The following PCDH15 variants were observed in gnomAD, a reference collection of about 807,000 sequenced individuals.
PCDH15 encodes the protein protocadherin-15.
In PCDH15, 129 loss-of-function variants were observed where a neutral mutation model predicts 178.5. The ratio of observed to expected loss-of-function variants is 0.72; its 90% CI spans 0.63 to 0.84. PCDH15 has a LOEUF of 0.84. PCDH15 is among the 40% of genes least tolerant of loss of function. The probability of loss-of-function intolerance (pLI) is 0.00; values close to 1 mark genes in which losing one functional copy is unlikely to be tolerated. For missense variants in PCDH15, 2,230 were observed against 2,099.9 expected, an observed-to-expected ratio of 1.06 and a Z score of -1.21; for synonymous variants, 800 against 732.0, an observed-to-expected ratio of 1.09 and a Z score of -1.50.
intron 15 of PCDH15, among the ~76,000 whole-genome samples, chr10:54,095,894 G>A (rs1372681050): frequency 6.6e-6 from 1 of 152,090 alleles, no homozygotes; most frequent in Non-Finnish European, 1.5e-5. Context: ...TTCTAATTTT[G>A]TCTAGGGCTC....
intron 3 of PCDH15, among the ~76,000 whole-genome samples, chr10:54,857,593 G>C (rs374005070): frequency 6.6e-6 from 1 of 151,524 alleles, no homozygotes; most frequent in East Asian, 2.0e-4. Flanking sequence ...TTACAGGCAC[G>C]TGCCGCCATG....
Position 55,150,008 on chromosome 10 carries a change from C to T in PCDH15, c.-80+16568G>A, listed in dbSNP as rs186136752. Among the ~76,000 whole-genome samples the T allele has an allele frequency of 5.9e-3, 805 of 137,430 alleles. 6 individuals are homozygous for T. The highest frequency in any genetic ancestry group is 0.039 in the Middle Eastern group (11 of 282). 90.2% of individuals were successfully genotyped at this position (137,430 alleles called of 152,430 possible). On this transcript the variant is annotated intron_variant, in intron 2 of 5. Transcript: ENST00000458638. Reference sequence around the variant, plus strand: ...TGGTGGGGGAGGGAGACAGAGACAGCGAGAGTGAGCAGAGAGAGAGAGATA... The same window carrying T: ...TGGTGGGGGAGGGAGACAGAGACAGTGAGAGTGAGCAGAGAGAGAGAGATA...
rs191228368 is a variant in PCDH15 at position 54,289,514 on chromosome 10, C to G, written c.876+27757G>C. 1.5e-4 allele frequency among the ~76,000 whole-genome samples: 23 copies of G among 152,304 alleles called. No homozygotes were observed. In the South Asian group the frequency reaches 3.9e-3, roughly 26 times the overall value. Reference sequence around the variant, plus strand: ...CCTCCAAAGGAATGCAGCTCCTCACCAGCAACAGAGCAAAGCTGGATGGAG... The same window carrying G: ...CCTCCAAAGGAATGCAGCTCCTCACGAGCAACAGAGCAAAGCTGGATGGAG... On this transcript the variant is annotated intron_variant, in intron 8 of 37. Coordinates refer to ENST00000644397, the MANE Select transcript of PCDH15 (RefSeq NM_001384140.1).
At chr10:55,103,307 A>C (rs1051879063) in intron 2 of PCDH15, among the ~76,000 whole-genome samples, 1 of 151,980 alleles carries the variant, frequency 6.6e-6, no homozygotes, top group Non-Finnish European at 1.5e-5. Context: ...TATTTCTTCT[A>C]TGTTTTCTTC....
intron 2 of PCDH15, among the ~76,000 whole-genome samples, chr10:55,622,179 A>ATATATATAAATATATATAT (rs1837419778): frequency 1.5e-5 from 2 of 131,122 alleles, no homozygotes; most frequent in African/African-American, 2.9e-5. Context: ...TATATTATAT[A>ATATATATAAATATATATAT]TATATACATT....
intron 2 of PCDH15, among the ~76,000 whole-genome samples, chr10:55,610,552 G>T (rs540535368): frequency 6.6e-6 from 1 of 152,160 alleles, no homozygotes; most frequent in Admixed American, 6.5e-5. Flanking sequence ...TCAAGTTGTT[G>T]AAGCTTTCAT....
chr10:54,280,783 A>AT (rs5785056), intron 8 of PCDH15, among the ~76,000 whole-genome samples: 4,530 of 151,912 alleles, frequency 0.03, 218 homozygotes, highest in African/African-American at 0.1. Context: ...AGTATTTTAC[A>AT]TTAAGTAATT....
chr10:55,391,836 C>G (rs140954441), intron 2 of PCDH15, among the ~76,000 whole-genome samples: 2 of 152,196 alleles, frequency 1.3e-5, no homozygotes, highest in African/African-American at 4.8e-5. Flanking sequence ...ACATTCACAA[C>G]CCGGCTAACT....
chr10:54,100,693 C>T (rs2094793956), intron 15 of PCDH15, among the ~76,000 whole-genome samples: 1 of 152,134 alleles, frequency 6.6e-6, no homozygotes, highest in African/African-American at 2.4e-5. Context: ...ATTTGTAAAG[C>T]AGTGTTTCTT....
intron 1 of PCDH15, among the ~76,000 whole-genome samples, chr10:54,751,002 A>G (rs1946153145): frequency 6.6e-6 from 1 of 152,146 alleles, no homozygotes; most frequent in African/African-American, 2.4e-5. Context: ...TCTAATAAAC[A>G]GATACGTGTT....
chr10:54,330,583 C>A (rs1022213954), intron 6 of PCDH15, among the ~76,000 whole-genome samples: 3 of 151,668 alleles, frequency 2.0e-5, no homozygotes, highest in Admixed American at 6.6e-5. Flanking sequence ...GGTTATATAT[C>A]ATTTTTTTCT....
rs200592926 is a variant in PCDH15 at position 55,556,670 on chromosome 10, G to GA, written c.-156+70954dup. ...ATATGGTGAAACCCTGTCCCGCAAAGAAAAAAAAAGGTACAAAAATTATTT... is the reference window on the plus strand; with the variant it reads ...ATATGGTGAAACCCTGTCCCGCAAAGAAAAAAAAAAGGTACAAAAATTATTT... On this transcript the variant is annotated intron_variant, in intron 2 of 5. Transcript: ENST00000613346. Among the ~76,000 whole-genome samples the GA allele has an allele frequency of 7.6e-3, 1,145 of 150,472 alleles. 16 individuals carry two copies. The highest frequency in any genetic ancestry group is 0.025 in the African/African-American group (1,046 of 41,068).
chr10:54,854,956 G>A (rs182858493), intron 3 of PCDH15, among the ~76,000 whole-genome samples: 1 of 152,314 alleles, frequency 6.6e-6, no homozygotes, highest in East Asian at 1.9e-4. Flanking sequence ...AGATGCCAAG[G>A]GGCACCTGCA....
At chr10:55,377,364 C>T (rs1837423762) in intron 2 of PCDH15, among the ~76,000 whole-genome samples, 1 of 151,690 alleles carries the variant, frequency 6.6e-6, no homozygotes, top group Non-Finnish European at 1.5e-5. Context: ...CTTATAAAGT[C>T]TATCTTATTA....
chr10:55,531,601 G>T (rs71492656), intron 2 of PCDH15, among the ~76,000 whole-genome samples: 16 of 152,100 alleles, frequency 1.1e-4, no homozygotes, highest in Non-Finnish European at 1.3e-4. Flanking sequence ...TTGACCTTCT[G>T]AATATCCCTC....
chr10:54,293,793 A>G lies in PCDH15; in HGVS notation c.876+23478T>C, dbSNP rs144759630. 6.3e-3 allele frequency among the ~76,000 whole-genome samples: 961 copies of G among 152,248 alleles called. 2 individuals are homozygous for G. Among genetic ancestry groups the G allele is most frequent in the Non-Finnish European group, 9.3e-3 (632 of 67,992 alleles). On this transcript the variant is annotated intron_variant, in intron 8 of 37. Coordinates refer to ENST00000644397, the MANE Select transcript of PCDH15 (RefSeq NM_001384140.1). ...ATACCATCTCACACCAGTTAGAATG[A>G]CAATCATTAAAAAGTCGGGAAACAA...
intron 1 of PCDH15, among the ~76,000 whole-genome samples, chr10:55,307,960 A>C (rs562231207): frequency 6.6e-6 from 1 of 152,230 alleles, no homozygotes; most frequent in South Asian, 2.1e-4. Flanking sequence ...CAAATTAGAA[A>C]TTTTTATTCA....
intron 2 of PCDH15, among the ~76,000 whole-genome samples, chr10:54,992,347 C>T (rs769741879): frequency 2.6e-5 from 4 of 152,086 alleles, no homozygotes; most frequent in Non-Finnish European, 5.9e-5. Context: ...AACTTCGTAA[C>T]GAAGGATACG....
At chr10:54,142,321 A>AC (rs1314883253) in intron 14 of PCDH15, among the ~76,000 whole-genome samples, 6 of 152,180 alleles carry the variant, frequency 3.9e-5, no homozygotes, top group Non-Finnish European at 8.8e-5. Flanking sequence ...TGAAGAAAGC[A>AC]CTGACTTCTG....
Sources: allele counts gnomAD v4.1 joint callset (sites outside exome capture counted in the v4.1 genomes callset), GRCh38; gene constraint gnomAD v4.1.1; transcripts MANE v1.5; gene names NCBI Gene and HGNC (gene_info 2026-07-23, HGNC 2026-07-21).